CLCC1: variants seen among roughly 807,000 people sequenced by gnomAD.
CLCC1 encodes chloride channel CLIC-like protein 1.
A neutral mutation model predicts 63.3 loss-of-function variants in CLCC1; 39 were observed. The ratio of observed to expected loss-of-function variants is 0.62; its 90% CI spans 0.48 to 0.81. The LOEUF (loss-of-function observed/expected upper bound fraction) is 0.81, where lower values mean the gene tolerates loss of function less well. Among genes scored for constraint, CLCC1 ranks in the 30% least tolerant of loss-of-function variants. CLCC1 has a pLI of 0.00. For synonymous variants in CLCC1, 217 were observed against 239.8 expected, an observed-to-expected ratio of 0.90 and a Z score of 0.88; for missense variants, 549 against 669.4, an observed-to-expected ratio of 0.82 and a Z score of 1.98.
intron 4 of CLCC1, among the ~76,000 whole-genome samples, chr1:108,949,295 A>G (rs780043232): frequency 2.6e-5 from 4 of 152,240 alleles, no homozygotes; most frequent in Non-Finnish European, 4.4e-5. Context: ...CCCACAGCAC[A>G]TAACGACTAC....
At chr1:108,938,121 A>G (rs892576113) in intron 10 of CLCC1, among the ~76,000 whole-genome samples, 5 of 152,190 alleles carry the variant, frequency 3.3e-5, no homozygotes, top group African/African-American at 1.2e-4. Flanking sequence ...TATGTTTTAA[A>G]TTTGTTTTAA....
chr1:108,951,721 G>C (rs560916131), intron 2 of CLCC1, among the ~76,000 whole-genome samples: 1 of 151,786 alleles, frequency 6.6e-6, no homozygotes, highest in South Asian at 2.1e-4. Context: ...TTATAATAAT[G>C]GTTGCAAATA....
chr1:108,939,826 A>G (rs1218701612), intron 9 of CLCC1, 44 bp from the exon 10 acceptor site: 7 of 1,594,382 alleles, frequency 4.4e-6, no homozygotes, highest in Non-Finnish European at 6.0e-6. Context: ...TCACAGGACT[A>G]AGGTACAGAA....
chr1:108,953,213 T>C (rs1557898924), intron 2 of CLCC1, among the ~76,000 whole-genome samples: 5 of 152,154 alleles, frequency 3.3e-5, no homozygotes, highest in Admixed American at 2.6e-4. Flanking sequence ...AGTTGTACAA[T>C]AAAAATCACT....
rs971892400 is a variant in CLCC1, at chr1:108,941,505, A to G, written c.703-7T>C. The stretch of plus-strand genomic sequence containing the variant: ...GATGCTGTGCAAAAGCTAGCTGCCC[A>G]ACACCAAAAGGGAACCAGGAGAGGC... On this transcript the variant is annotated splice_polypyrimidine_tract_variant and splice_region_variant and intron_variant, in intron 7 of 12. Transcript: ENST00000369969. 6.2e-7 allele frequency: 1 copy of G among 1,613,822 alleles called. No homozygotes were observed. Among genetic ancestry groups the G allele is most frequent in the Non-Finnish European group, 8.5e-7 (1 of 1,179,842 alleles).
intron 12 of CLCC1, 167 bp from the exon 13 acceptor site, chr1:108,932,668 C>G (rs1003615895): frequency 3.3e-5 from 5 of 152,234 alleles, no homozygotes; most frequent in African/African-American, 1.2e-4. Flanking sequence ...AAAGACAGCT[C>G]TCACCTTGGG....
At position 108,931,035 on chromosome 1, in the gene CLCC1, G is replaced by C. The variant is rs772961100; in HGVS notation, c.*1512C>G. 4 of 228,682 alleles carry C rather than the reference G, an allele frequency of 1.7e-5. No individual in the cohort carries two copies. Among genetic ancestry groups the C allele is most frequent in the Non-Finnish European group, 3.5e-5 (4 of 115,036 alleles). The allele number at this position is 228,682 out of a possible 1,614,324, so 14.2% of individuals were successfully genotyped here. On this transcript the variant is annotated 3_prime_UTR_variant, in exon 13 of 13. Transcript: ENST00000369969. ...CCACTGCACTCCAGCCTGGGTGACA[G>C]AGCAAGACCCTGTCTCTAGAAAACA...
chr1:108,946,750 A>G (rs938866921), intron 5 of CLCC1, among the ~76,000 whole-genome samples: 2 of 152,214 alleles, frequency 1.3e-5, no homozygotes, highest in Admixed American at 6.5e-5. Flanking sequence ...TCTAAATGTT[A>G]TAAGTTATTA....
chr1:108,949,634 A>G (rs775080198), intron 4 of CLCC1, among the ~76,000 whole-genome samples, 186 bp downstream of exon 4: 1 of 152,176 alleles, frequency 6.6e-6, no homozygotes, highest in Non-Finnish European at 1.5e-5. Flanking sequence ...ACAAGGTACT[A>G]CTAGAAAAAC....
intron 2 of CLCC1, among the ~76,000 whole-genome samples, chr1:108,956,909 G>GAGGCGGGGAGGCGGGT (rs1285401464): frequency 7.0e-6 from 1 of 143,872 alleles, no homozygotes. Context: ...GGGAGGCGGG[G>GAGGCGGGGAGGCGGGT]AGGGAGTGGT....
chr1:108,954,313 C>A (rs1242487319), intron 2 of CLCC1, among the ~76,000 whole-genome samples: 1 of 141,552 alleles, frequency 7.1e-6, no homozygotes, highest in Admixed American at 7.2e-5. Context: ...TGGTGAAACC[C>A]AGTCTCTAAT....
chr1:108,939,026 G>C (rs1653415376), intron 10 of CLCC1, among the ~76,000 whole-genome samples: 2 of 151,598 alleles, frequency 1.3e-5, no homozygotes, highest in South Asian at 4.2e-4. Flanking sequence ...GCGTGACTTA[G>C]CCTGATTTAC....
intron 2 of CLCC1, 132 bp downstream of exon 2, chr1:108,962,177 T>C (rs1656742960): frequency 6.6e-6 from 1 of 152,160 alleles, no homozygotes; most frequent in Non-Finnish European, 1.5e-5. Context: ...TTATAGTAGC[T>C]ACTAGACTGG....
chr1:108,963,001 A>C (rs1385355839), intron 1 of CLCC1, among the ~76,000 whole-genome samples: 1 of 152,266 alleles, frequency 6.6e-6, no homozygotes, highest in Non-Finnish European at 1.5e-5. Context: ...TTCTGCTGAC[A>C]GCATTTATTC....
chr1:108,931,496 A>G lies in CLCC1; in HGVS notation c.*1051T>C, dbSNP rs1324997590. On this transcript the variant is annotated 3_prime_UTR_variant, in exon 13 of 13. Transcript: ENST00000369969. ...TCAGACTGTGCACAGCTGGGATGGG[A>G]TCTGGGGATGTGGACCCCTATTCTT... 2 of 1,548,528 alleles carry G rather than the reference A, an allele frequency of 1.3e-6. No homozygotes were observed. The highest frequency in any genetic ancestry group is 2.7e-5 in the African/African-American group (2 of 72,938).
At position 108,931,227 on chromosome 1, in the gene CLCC1, A is replaced by AGAT. The variant is rs1254544053; in HGVS notation, c.*1317_*1319dup. ...TAGGACACATAAACAAACAGAAAAC[A>AGAT]GATGAAAACTCACAAAAATTAAATA... On this transcript the variant is annotated 3_prime_UTR_variant, in exon 13 of 13. Transcript: ENST00000369969. 4.5e-6 allele frequency: 6 copies of AGAT among 1,347,212 alleles called. No individual in the cohort carries two copies. In the African/African-American group the frequency reaches 7.4e-5, roughly 17 times the overall value. The allele number at this position is 1,347,212 out of a possible 1,614,324, so 83.5% of individuals were successfully genotyped here. A position where few individuals can be genotyped will look rare whatever the true frequency, so the allele number is the denominator to read the frequency against.
chr1:108,943,703 A>G, intron 6 of CLCC1, 88 bp from the exon 7 acceptor site: 1 of 1,553,858 alleles, frequency 6.4e-7, no homozygotes, highest in Admixed American at 1.8e-5. Flanking sequence ...AATCATTTCT[A>G]CAATTTTGTG....
intron 2 of CLCC1, among the ~76,000 whole-genome samples, chr1:108,960,217 A>T (rs1656445590): frequency 6.6e-6 from 1 of 152,204 alleles, no homozygotes; most frequent in African/African-American, 2.4e-5. Flanking sequence ...ATAACTGTAT[A>T]CTTTATTGGA....
rs146056637 is a variant in CLCC1, at chr1:108,939,750, C to T, written c.927G>A (p.Thr309=). 222 of 1,613,940 alleles carry T rather than the reference C, an allele frequency of 1.4e-4. No homozygotes were observed. Among genetic ancestry groups the T allele is most frequent in the Non-Finnish European group, 1.7e-4 (206 of 1,179,996 alleles). ...CTTTTCCAATATGCTTCAATGGCTC[C>T]GTTACAAATGTGGTGAATGTAACTG... ...ALAVTFTTFV[T]EPLKHIGKGT... is the part of the protein sequence containing the mutation. Residue 309 remains threonine (T), a synonymous_variant, in exon 10 of 13, where the codon ACG becomes ACA. Coordinates refer to ENST00000369969, the MANE Select transcript of CLCC1 (RefSeq NM_001377458.1).
Sources: allele counts gnomAD v4.1 joint callset (sites outside exome capture counted in the v4.1 genomes callset), GRCh38; gene constraint gnomAD v4.1.1; transcripts MANE v1.5; gene names NCBI Gene and HGNC (gene_info 2026-07-23, HGNC 2026-07-21).